FAM81A: variants seen among roughly 807,000 people sequenced by gnomAD.
FAM81A encodes protein FAM81A.
In FAM81A, 19 loss-of-function variants were observed where a neutral mutation model predicts 46.7. That is an observed-to-expected ratio of 0.41 (90% CI 0.28 to 0.60). The LOEUF (loss-of-function observed/expected upper bound fraction) is 0.60, where lower values mean the gene tolerates loss of function less well. Among genes scored for constraint, FAM81A ranks in the 20% least tolerant of loss-of-function variants. FAM81A has a pLI of 0.34. For missense variants in FAM81A, 377 were observed against 453.5 expected (o/e 0.83, Z 1.53); for synonymous variants, 183 against 152.9 (o/e 1.20, Z -1.45).
At position 59,516,814 on chromosome 15, in the gene FAM81A, A is replaced by T; in HGVS notation, c.956A>T (p.Lys319Met). 6.2e-7 allele frequency: 1 copy of T among 1,605,446 alleles called. No individual in the cohort carries two copies. The highest frequency in any genetic ancestry group is 8.5e-7 in the Non-Finnish European group (1 of 1,177,430). Residue 319 changes from lysine (K) to methionine (M), a missense_variant, in exon 8 of 9, where the codon AAG becomes ATG. Coordinates refer to ENST00000288228, the MANE Select transcript of FAM81A (RefSeq NM_152450.3). ...GAGTTACAGATGAACCAGAACATCA[A>T]GGAAATGAAAGCAGAAGTTAATGCT... ...KLELQMNQNIKEMKAEVNAGF... is the reference protein window; with the variant it reads ...KLELQMNQNIMEMKAEVNAGF...
chr15:59,511,171 A>G (rs1308208880), intron 6 of FAM81A, among the ~76,000 whole-genome samples: 3 of 152,240 alleles, frequency 2.0e-5, no homozygotes, highest in Non-Finnish European at 4.4e-5. Flanking sequence ...AAGGATGAGC[A>G]AAGAATATGA....
intron 4 of FAM81A, among the ~76,000 whole-genome samples, chr15:59,502,999 G>C (rs970791387): frequency 5.3e-5 from 8 of 152,064 alleles, no homozygotes; most frequent in East Asian, 3.9e-4. Context: ...GCAGCACTTT[G>C]GGAGGCCGAG....
chr15:59,417,471 C>T (rs2081151676), intron 2 of FAM81A, among the ~76,000 whole-genome samples: 2 of 151,668 alleles, frequency 1.3e-5, no homozygotes, highest in Admixed American at 6.6e-5. Context: ...TTTGGGAGGC[C>T]GTGGTGGACA....
intron 1 of FAM81A, among the ~76,000 whole-genome samples, chr15:59,398,211 G>T (rs1186079075): frequency 6.6e-6 from 1 of 152,192 alleles, no homozygotes; most frequent in Non-Finnish European, 1.5e-5. Flanking sequence ...GGAGCCATCT[G>T]CATAAGAAGA....
At chr15:59,470,876 G>A (rs948522956) in intron 3 of FAM81A, among the ~76,000 whole-genome samples, 15 of 151,996 alleles carry the variant, frequency 9.9e-5, no homozygotes, top group Admixed American at 4.6e-4. Flanking sequence ...CTGGTATAGT[G>A]CAGTGGCTCT....
At position 59,522,738 on chromosome 15, in the gene FAM81A, A is replaced by G. The variant is rs1244413678; in HGVS notation, c.*1360A>G. 6.6e-6 allele frequency: 1 copy of G among 152,654 alleles called. No homozygotes were observed. The highest frequency in any genetic ancestry group is 1.5e-5 in the Non-Finnish European group (1 of 68,030). 9.5% of individuals were successfully genotyped at this position (152,654 alleles called of 1,614,324 possible). On this transcript the variant is annotated 3_prime_UTR_variant, in exon 9 of 9. Transcript: ENST00000288228. ...AGAAAAAAATGTTTTTTGTTTGCCAAGGACTCAGGAAAATAAAAAGCATTT... is the reference window on the plus strand; with the variant it reads ...AGAAAAAAATGTTTTTTGTTTGCCAGGGACTCAGGAAAATAAAAAGCATTT...
intron 3 of FAM81A, among the ~76,000 whole-genome samples, chr15:59,479,951 G>A (rs60263751): frequency 0.071 from 10,732 of 152,216 alleles, 496 homozygotes; most frequent in African/African-American, 0.13. Context: ...AAAAGATCAC[G>A]CTGGCTACTT....
chr15:59,402,746 G>T (rs1363294879), intron 2 of FAM81A, among the ~76,000 whole-genome samples: 4 of 151,552 alleles, frequency 2.6e-5, no homozygotes, highest in Non-Finnish European at 4.4e-5. Flanking sequence ...TAGAGATGGG[G>T]TTTCACCATG....
chr15:59,450,177 G>A (rs1031676437), intron 1 of FAM81A, among the ~76,000 whole-genome samples: 6 of 146,856 alleles, frequency 4.1e-5, no homozygotes, highest in Admixed American at 1.4e-4. Context: ...GCCATCTGCC[G>A]CCTCGGCCTC....
intron 3 of FAM81A, among the ~76,000 whole-genome samples, chr15:59,491,117 G>C (rs1288046093): frequency 1.3e-5 from 2 of 152,150 alleles, no homozygotes; most frequent in African/African-American, 4.8e-5. Context: ...GCACTCCCGT[G>C]TTTATTGCAG....
upstream of FAM81A, among the ~76,000 whole-genome samples, chr15:59,437,794 G>T (rs1230403231): frequency 6.6e-6 from 1 of 152,112 alleles, no homozygotes; most frequent in Non-Finnish European, 1.5e-5. Flanking sequence ...CACCACCATG[G>T]CTATGATCTC....
intron 7 of FAM81A, among the ~76,000 whole-genome samples, chr15:59,515,047 C>G (rs1198971817): frequency 6.6e-6 from 1 of 152,014 alleles, no homozygotes; most frequent in Non-Finnish European, 1.5e-5. Context: ...GAGTTCGAGA[C>G]CAGCCTGGGA....
At chr15:59,431,620 C>T (rs1465575436) in intron 2 of FAM81A, among the ~76,000 whole-genome samples, 1 of 151,942 alleles carries the variant, frequency 6.6e-6, no homozygotes, top group Admixed American at 6.6e-5. Flanking sequence ...TGGCCTCAAC[C>T]GCCCCAGTAG....
chr15:59,496,632 C>T (rs2082037171), intron 4 of FAM81A, among the ~76,000 whole-genome samples: 1 of 151,908 alleles, frequency 6.6e-6, no homozygotes, highest in African/African-American at 2.4e-5. Flanking sequence ...AATCACTTGG[C>T]AAATAGGTGT....
intron 3 of FAM81A, among the ~76,000 whole-genome samples, chr15:59,474,058 C>T (rs1596503049): frequency 6.6e-6 from 1 of 152,194 alleles, no homozygotes; most frequent in South Asian, 2.1e-4. Context: ...AGGAAGCCCT[C>T]CTTGCCAGTT....
At position 59,521,572 on chromosome 15, in the gene FAM81A, GT is replaced by G. The variant is rs2082328757; in HGVS notation, c.*199del. On this transcript the variant is annotated 3_prime_UTR_variant, in exon 9 of 9. Coordinates refer to ENST00000288228, the MANE Select transcript of FAM81A (RefSeq NM_152450.3). ...TCTTTTGTTAAAAGTATGAAATACAGTTTTTACCAGTTTATTTCACTTCTCT... is the reference window on the plus strand; with the variant it reads ...TCTTTTGTTAAAAGTATGAAATACAGTTTTACCAGTTTATTTCACTTCTCT... 1.9e-6 allele frequency: 1 copy of G among 524,392 alleles called. No individual in the cohort carries two copies. Among genetic ancestry groups the G allele is most frequent in the Non-Finnish European group, 3.0e-6 (1 of 332,694 alleles). The allele number at this position is 524,392 out of a possible 1,614,324, so 32.5% of individuals were successfully genotyped here.
intron 4 of FAM81A, among the ~76,000 whole-genome samples, chr15:59,495,708 T>C (rs1317346754): frequency 6.6e-6 from 1 of 152,214 alleles, no homozygotes; most frequent in Non-Finnish European, 1.5e-5. Context: ...ATTATAGCCA[T>C]CCCAGTGGGT....
upstream of FAM81A, among the ~76,000 whole-genome samples, chr15:59,436,454 A>G (rs1201546084): frequency 6.6e-6 from 1 of 152,202 alleles, no homozygotes; most frequent in African/African-American, 2.4e-5. Flanking sequence ...AAGAAGAGGA[A>G]GAAACAAGAC....
In FAM81A at chr15:59,401,770, A is replaced by ATTT. The variant is rs57470869; in HGVS notation, c.-160-493_-160-491dup. On this transcript the variant is annotated intron_variant, in intron 1 of 4. Transcript: ENST00000558348. ...CTGCTCCCTGTGGAGTCTTTTCAGC[A>ATTT]TTTTTTTTTTTTTTTGGTGTTTCTC... 490 of 694,966 alleles carry ATTT rather than the reference A, an allele frequency of 7.1e-4. 2 individuals carry two copies. Among genetic ancestry groups the ATTT allele is most frequent in the African/African-American group, 6.2e-3 (331 of 53,728 alleles). 43.0% of individuals were successfully genotyped at this position (694,966 alleles called of 1,614,324 possible). A position where few individuals can be genotyped will look rare whatever the true frequency, so the allele number is the denominator to read the frequency against.
Sources: gnomAD v4.1 joint callset for allele counts (sites outside exome capture counted in the v4.1 genomes callset) on GRCh38, gnomAD v4.1.1 for gene constraint, MANE v1.5 for transcripts, NCBI Gene and HGNC (gene_info 2026-07-23, HGNC 2026-07-21) for gene names.